Variants in MDFIC observed in about 807,000 individuals in gnomAD.
The protein encoded by MDFIC is myoD family inhibitor domain-containing protein.
In MDFIC, 17 loss-of-function variants were observed where a neutral mutation model predicts 23.2. The ratio of observed to expected loss-of-function variants is 0.73; its 90% CI spans 0.50 to 1.10. MDFIC has a LOEUF of 1.10. MDFIC is among the 50% of genes least tolerant of loss of function. The probability of loss-of-function intolerance (pLI) is 0.00; values close to 1 mark genes in which losing one functional copy is unlikely to be tolerated. For synonymous variants in MDFIC, 120 were observed against 115.2 expected (o/e 1.04, Z -0.27); for missense variants, 356 against 316.6 (o/e 1.12, Z -0.95).
rs145872153 is a variant in MDFIC, at chr7:114,942,359, C to G, written c.179C>G (p.Ser60Cys). The G allele has an allele frequency of 6.2e-7, 1 of 1,604,070 alleles. No individual in the cohort carries two copies. Among genetic ancestry groups the G allele is most frequent in the African/African-American group, 1.3e-5 (1 of 74,504 alleles). ...HFTHGEMQDQ[S>C]IWGNPSDGEL... ...ACACATGGAGAGATGCAAGACCAGT[C>G]CATTTGGGGAAATCCTTCGGATGGT... The change falls in exon 3 of 5, where the codon TCC (serine) becomes TGC (cysteine). Residue 60 changes from serine (S) to cysteine (C), a missense_variant. Transcript: ENST00000393486.
intron 2 of MDFIC, among the ~76,000 whole-genome samples, chr7:114,939,696 G>T (rs1792500489): frequency 6.6e-6 from 1 of 152,092 alleles, no homozygotes; most frequent in African/African-American, 2.4e-5. Context: ...TCGAATATTG[G>T]ACATGATTCA....
At chr7:115,001,906 G>A (rs1791473016) in intron 4 of MDFIC, among the ~76,000 whole-genome samples, 1 of 152,190 alleles carries the variant, frequency 6.6e-6, no homozygotes, top group South Asian at 2.1e-4. Context: ...GGAGGCCAAT[G>A]GGGACAGATC....
intron 3 of MDFIC, among the ~76,000 whole-genome samples, chr7:114,967,547 G>A (rs543929451): frequency 6.6e-6 from 1 of 152,154 alleles, no homozygotes; most frequent in Non-Finnish European, 1.5e-5. Flanking sequence ...GTAGAGCTGC[G>A]CTATTTTTGG....
chr7:114,952,905 A>G (rs890890170), intron 3 of MDFIC, among the ~76,000 whole-genome samples: 2 of 152,226 alleles, frequency 1.3e-5, no homozygotes, highest in Non-Finnish European at 2.9e-5. Context: ...AGGCGCTGTC[A>G]TAATTACAAA....
rs78612838 is a variant in MDFIC, at chr7:114,969,832, G to A, written c.218-9674G>A. 3.7e-3 allele frequency among the ~76,000 whole-genome samples: 562 copies of A among 152,304 alleles called. 2 individuals are homozygous for A. Among genetic ancestry groups the A allele is most frequent in the Non-Finnish European group, 5.9e-3 (398 of 68,010 alleles). On this transcript the variant is annotated intron_variant, in intron 3 of 4. Coordinates refer to ENST00000393486, the MANE Select transcript of MDFIC (RefSeq NM_001166345.3). ...CAAATCAAAGTAACATCCAGATGAAGCATCTAGAGCTAGTGTCATGTTATT... is the reference window on the plus strand; with the variant it reads ...CAAATCAAAGTAACATCCAGATGAAACATCTAGAGCTAGTGTCATGTTATT...
At chr7:114,984,753 A>ATTT (rs1793480332) in intron 4 of MDFIC, among the ~76,000 whole-genome samples, 1 of 152,216 alleles carries the variant, frequency 6.6e-6, no homozygotes, top group Non-Finnish European at 1.5e-5. Flanking sequence ...AGACTCAAAG[A>ATTT]CACTTTTCTT....
intron 3 of MDFIC, among the ~76,000 whole-genome samples, chr7:114,957,364 T>A (rs1382957371): frequency 1.3e-5 from 2 of 152,178 alleles, no homozygotes; most frequent in Non-Finnish European, 2.9e-5. Flanking sequence ...GTTAAAAATT[T>A]CTGGAATAAG....
intron 4 of MDFIC, chr7:115,014,095 T>G (rs2116148201): frequency 2.0e-6 from 2 of 985,396 alleles, no homozygotes; most frequent in East Asian, 2.3e-4. Context: ...TCTCTGACCC[T>G]TCCTCCTTTT....
chr7:115,014,601 A>G lies in MDFIC; in HGVS notation c.494-1087A>G, dbSNP rs1009755527. On this transcript the variant is annotated intron_variant, in intron 4 of 4. Transcript: ENST00000393486. ...GTGGAATCTTCTTATTAAAACTTAC[A>G]TTATACAAAGTACAAAAACAAAAAA... 11 of 1,120,900 alleles carry G rather than the reference A, an allele frequency of 9.8e-6. No homozygotes were observed. The African/African-American group carries it at 1.0e-4, about 10-fold the overall frequency. 69.4% of individuals were successfully genotyped at this position (1,120,900 alleles called of 1,614,324 possible).
At chr7:114,987,566 G>T (rs997954363) in intron 4 of MDFIC, among the ~76,000 whole-genome samples, 3 of 152,142 alleles carry the variant, frequency 2.0e-5, no homozygotes, top group African/African-American at 7.2e-5. Flanking sequence ...AATGGTGTGG[G>T]CGAAAGGTTT....
chr7:115,013,823 A>G (rs745763890), intron 4 of MDFIC, among the ~76,000 whole-genome samples: 2 of 152,238 alleles, frequency 1.3e-5, no homozygotes, highest in Non-Finnish European at 2.9e-5. Flanking sequence ...GACACTGTCT[A>G]GAAATCCAGA....
At chr7:114,935,693 A>G (rs771591788) in intron 2 of MDFIC, among the ~76,000 whole-genome samples, 4 of 152,082 alleles carry the variant, frequency 2.6e-5, no homozygotes, top group Non-Finnish European at 4.4e-5. Flanking sequence ...ATATAGGTAT[A>G]GGCTGTGGGG....
rs1217733897 is a variant in MDFIC at position 114,922,782 on chromosome 7, CAGTTTTCTTCGCA to C, written c.-107-139_-107-127del. On this transcript the variant is annotated intron_variant, in intron 1 of 4. Coordinates refer to ENST00000393486, the MANE Select transcript of MDFIC (RefSeq NM_001166345.3). ...CCGCCGCTGTCAACTTGCGCTGTAA[CAGTTTTCTTCGCA>C]AGTTTCAAATCAAAACTTCCCCGGG... The C allele has an allele frequency of 2.7e-5, 27 of 991,136 alleles. 1 individual carries two copies. In the Admixed American group the frequency reaches 7.9e-4, roughly 29 times the overall value. The allele number at this position is 991,136 out of a possible 1,614,324, so 61.4% of individuals were successfully genotyped here. A position where few individuals can be genotyped will look rare whatever the true frequency, so the allele number is the denominator to read the frequency against.
intron 1 of MDFIC, 72 bp downstream of exon 1, chr7:114,922,708 C>T (rs1792108714): frequency 1.5e-6 from 2 of 1,362,852 alleles, no homozygotes; most frequent in African/African-American, 1.5e-5. Flanking sequence ...CAAACCCGAT[C>T]TCTCTTTCCA....
At chr7:114,959,582 T>A (rs1261825208) in intron 3 of MDFIC, among the ~76,000 whole-genome samples, 3 of 152,138 alleles carry the variant, frequency 2.0e-5, no homozygotes, top group Admixed American at 2.0e-4. Flanking sequence ...AGTTTCATTA[T>A]TCAGATAACT....
intron 4 of MDFIC, among the ~76,000 whole-genome samples, chr7:114,980,322 A>G (rs1793396048): frequency 6.6e-6 from 1 of 152,108 alleles, no homozygotes; most frequent in Admixed American, 6.5e-5. Flanking sequence ...ACCTGCAACC[A>G]TCTCCACTCC....
intron 4 of MDFIC, among the ~76,000 whole-genome samples, chr7:114,987,892 TA>T (rs2116006195): frequency 6.6e-6 from 1 of 152,316 alleles, no homozygotes; most frequent in African/African-American, 2.4e-5. Context: ...TGCCTTATCT[TA>T]AAGTTTAGGA....
chr7:114,990,828 T>C (rs1323943735), intron 4 of MDFIC, among the ~76,000 whole-genome samples: 1 of 152,202 alleles, frequency 6.6e-6, no homozygotes, highest in African/African-American at 2.4e-5. Flanking sequence ...TGTGTCTTTA[T>C]AGCAGCATGA....
chr7:114,940,761 T>A (rs1430879145), intron 2 of MDFIC, among the ~76,000 whole-genome samples: 1 of 152,204 alleles, frequency 6.6e-6, no homozygotes, highest in African/African-American at 2.4e-5. Context: ...TGCCTAAACA[T>A]CTACTATGCA....
Sources: allele counts gnomAD v4.1 joint callset (sites outside exome capture counted in the v4.1 genomes callset), GRCh38; gene constraint gnomAD v4.1.1; transcripts MANE v1.5; gene names NCBI Gene and HGNC (gene_info 2026-07-23, HGNC 2026-07-21).